Variants in OTOGL observed in about 807,000 individuals in gnomAD.
OTOGL encodes otogelin like, also known as otogelin-like protein.
In OTOGL, 285 loss-of-function variants were observed where a neutral mutation model predicts 318.5. That is an observed-to-expected ratio of 0.89 (90% CI 0.81 to 0.99). The LOEUF is 0.99. Ranked by LOEUF, OTOGL falls within the 50% of genes least tolerant of loss-of-function variation. OTOGL has a pLI of 0.00. For synonymous variants in OTOGL, 987 were observed against 936.5 expected, an observed-to-expected ratio of 1.05 and a Z score of -0.99; for missense variants, 2,899 against 2,845.6, an observed-to-expected ratio of 1.02 and a Z score of -0.43.
At chr12:80,356,024 T>C (rs1035853810) in intron 47 of OTOGL, 76 bp downstream of exon 47, 3 of 1,447,442 alleles carry the variant, frequency 2.1e-6, no homozygotes, top group East Asian at 4.6e-5. Context: ...GCAGAGCATA[T>C]ATAATGCTTT....
At chr12:80,169,591 A>G (rs1255449432) in intron 1 of OTOGL, among the ~76,000 whole-genome samples, 1 of 152,176 alleles carries the variant, frequency 6.6e-6, no homozygotes, top group Non-Finnish European at 1.5e-5. Flanking sequence ...TGTGAGAATG[A>G]ATAATGTCAT....
chr12:80,303,034 T>G (rs79997503), intron 28 of OTOGL, among the ~76,000 whole-genome samples: 1 of 152,354 alleles, frequency 6.6e-6, no homozygotes, highest in Admixed American at 6.5e-5. Context: ...CTTCTCTTTT[T>G]CTTCAGCTTA....
chr12:80,353,587 G>T, intron 46 of OTOGL, 77 bp downstream of exon 46: 1 of 1,167,682 alleles, frequency 8.6e-7, no homozygotes, highest in Non-Finnish European at 1.1e-6. Context: ...TTGCAGAGAT[G>T]TGCTAACAAA....
chr12:80,348,236 G>C (rs569812450), intron 44 of OTOGL, among the ~76,000 whole-genome samples: 2 of 152,074 alleles, frequency 1.3e-5, no homozygotes, highest in South Asian at 4.2e-4. Context: ...TTTCCTCTAG[G>C]GTTTTTATGG....
intron 7 of OTOGL, among the ~76,000 whole-genome samples, chr12:80,226,844 T>C (rs948415939): frequency 6.6e-6 from 1 of 152,180 alleles, no homozygotes; most frequent in African/African-American, 2.4e-5. Context: ...GGGAAGATAC[T>C]TTCCTGGAAA....
intron 4 of OTOGL, among the ~76,000 whole-genome samples, chr12:80,214,848 T>C (rs995108534): frequency 3.3e-5 from 5 of 152,122 alleles, no homozygotes; most frequent in African/African-American, 1.2e-4. Context: ...ACATAAAAAA[T>C]AAATATGCTC....
In OTOGL at chr12:80,309,629, G is replaced by A. The variant is rs185227125; in HGVS notation, c.3334-982G>A. ...ATTAAGTCAGTAGAGATTTAAGACT[G>A]TATTAGGAAGGATGAATTTGGAGGT... On this transcript the variant is annotated intron_variant, in intron 29 of 58. Transcript: ENST00000547103. Among the ~76,000 whole-genome samples the A allele has an allele frequency of 2.0e-5, 3 of 152,228 alleles. No individual in the cohort carries two copies. The East Asian group carries it at 5.8e-4, about 29-fold the overall frequency.
chr12:80,315,594 T>A (rs1252220562), intron 32 of OTOGL, among the ~76,000 whole-genome samples: 2 of 152,160 alleles, frequency 1.3e-5, no homozygotes, highest in Non-Finnish European at 2.9e-5. Flanking sequence ...CCATGATGGA[T>A]GTGTCAGTTA....
chr12:80,222,179 C>T lies in OTOGL; in HGVS notation c.423C>T (p.Phe141=), dbSNP rs557062568. Residue 141 remains phenylalanine (F), a synonymous_variant, in exon 7 of 59, where the codon TTC becomes TTT. Coordinates refer to ENST00000547103, the MANE Select transcript of OTOGL (RefSeq NM_001378609.3). ...FETFDGIYYY[F]PGNCSYIFAK... ...CATTCGATGGCATCTACTATTACTT[C>T]CCAGGAAACTGTTCTTACATTTTTG... 1.8e-5 allele frequency: 28 copies of T among 1,597,932 alleles called. No homozygotes were observed. Among genetic ancestry groups the T allele is most frequent in the East Asian group, 1.6e-4 (7 of 44,838 alleles).
At chr12:80,136,408 T>C (rs1426605429) in intron 1 of OTOGL, among the ~76,000 whole-genome samples, 1 of 152,236 alleles carries the variant, frequency 6.6e-6, no homozygotes, top group African/African-American at 2.4e-5. Flanking sequence ...AATAGTAAAA[T>C]AGCCTCTTGC....
rs759000714 is a variant in OTOGL at position 80,320,539 on chromosome 12, C to T, written c.3920C>T (p.Ala1307Val). The T allele has an allele frequency of 6.2e-7, 1 of 1,613,608 alleles. No homozygotes were observed. Among genetic ancestry groups the T allele is most frequent in the Non-Finnish European group, 8.5e-7 (1 of 1,179,734 alleles). ...WEANSAFHRR[A>V]TFFHHQGLWI... is the part of the protein sequence containing the mutation. Reference sequence around the variant, plus strand: ...GCGAATTCAGCCTTTCATCGGAGAGCAACATTTTTCCACCATCAGGGCCTC... The same window carrying T: ...GCGAATTCAGCCTTTCATCGGAGAGTAACATTTTTCCACCATCAGGGCCTC... Residue 1307 changes from alanine to valine, a missense_variant, in exon 34 of 59, where the codon GCA becomes GTA. By Grantham distance (64) the Ala-to-Val change is moderately conservative (BLOSUM62 0). Transcript: ENST00000547103.
Position 80,296,923 on chromosome 12 carries a change from G to A in OTOGL, c.3025G>A (p.Asp1009Asn), listed in dbSNP as rs745829715. 6.4e-6 allele frequency: 10 copies of A among 1,551,852 alleles called. No homozygotes were observed. The African/African-American group carries it at 1.1e-4, about 17-fold the overall frequency. The stretch of plus-strand genomic sequence containing the variant: ...TAAAAGTGTTTTGATTTCAGTTGGG[G>A]ACACTGAAATTTACCTGAATGATAC... ...CSKSVLISVGDTEIYLNDTPY... is the reference protein window; with the variant it reads ...CSKSVLISVGNTEIYLNDTPY... The change falls in exon 27 of 59, where the codon GAC (aspartate) becomes AAC (asparagine). Residue 1009 changes from aspartate (D) to asparagine (N), a missense_variant. Around this residue, in one of 3 missense-constraint regions of OTOGL, gnomAD observed 2,607 missense variants for 2,524.9 expected, o/e 1.03. Coordinates refer to ENST00000547103, the MANE Select transcript of OTOGL (RefSeq NM_001378609.3).
At chr12:80,107,650 A>C (rs373314715) in intron 1 of OTOGL, among the ~76,000 whole-genome samples, 2 of 152,244 alleles carry the variant, frequency 1.3e-5, no homozygotes, top group East Asian at 3.9e-4. Context: ...ACATGTACAC[A>C]TACGTTCATT....
chr12:80,109,940 A>T (rs7358792), intron 1 of OTOGL, among the ~76,000 whole-genome samples: 91,720 of 152,040 alleles, frequency 0.6, 28,281 homozygotes, highest in African/African-American at 0.73. Flanking sequence ...TAAATTTTTT[A>T]AATTATACCT....
intron 11 of OTOGL, among the ~76,000 whole-genome samples, chr12:80,244,172 C>CTTTT (rs1190173197): frequency 7.0e-6 from 1 of 141,880 alleles, no homozygotes; most frequent in African/African-American, 2.6e-5. Context: ...TTCTTTTTTT[C>CTTTT]TTTTTTTTTT....
intron 38 of OTOGL, among the ~76,000 whole-genome samples, chr12:80,334,597 A>T (rs533264663): frequency 6.6e-6 from 1 of 152,172 alleles, no homozygotes; most frequent in African/African-American, 2.4e-5. Flanking sequence ...GATGACAGAC[A>T]TGCAAATAAT....
intron 33 of OTOGL, among the ~76,000 whole-genome samples, chr12:80,319,023 T>G (rs534350770): frequency 8.5e-5 from 13 of 152,292 alleles, no homozygotes; most frequent in African/African-American, 2.9e-4. Context: ...TGAAAAACCA[T>G]CCACTGATTC....
chr12:80,205,339 A>T (rs1393501213), intron 1 of OTOGL, among the ~76,000 whole-genome samples: 1 of 152,202 alleles, frequency 6.6e-6, no homozygotes, highest in East Asian at 1.9e-4. Context: ...TAGATATTAC[A>T]AATCAACGGC....
At chr12:80,359,315 A>T (rs1890105101) in intron 52 of OTOGL, among the ~76,000 whole-genome samples, 2 of 152,218 alleles carry the variant, frequency 1.3e-5, no homozygotes. Context: ...ATCTGCGAAC[A>T]TGTAAACCTT....
Sources: allele counts gnomAD v4.1 joint callset (sites outside exome capture counted in the v4.1 genomes callset), GRCh38; gene constraint gnomAD v4.1.1; regional missense constraint gnomAD v4.1.1; transcripts MANE v1.5; gene names NCBI Gene and HGNC (gene_info 2026-07-23, HGNC 2026-07-21).